Variants in TEK observed in about 807,000 individuals in gnomAD.
TEK encodes the protein angiopoietin-1 receptor.
TEK carries 43 observed loss-of-function variants against 131.8 expected under a neutral mutation model. That is an observed-to-expected ratio of 0.33 (90% CI 0.26 to 0.42). The LOEUF is 0.42. TEK is among the 10% of genes least tolerant of loss of function. TEK has a pLI of 1.00. For missense variants in TEK, 1,162 were observed against 1,384.4 expected (o/e 0.84, Z 2.55); for synonymous variants, 580 against 491.6 (o/e 1.18, Z -2.38).
intron 1 of TEK, among the ~76,000 whole-genome samples, chr9:27,124,563 C>T (rs537214721): frequency 1.3e-5 from 2 of 152,236 alleles, no homozygotes; most frequent in African/African-American, 4.8e-5. Flanking sequence ...GGGAAATACA[C>T]TCTGCCCACA....
intron 4 of TEK, among the ~76,000 whole-genome samples, chr9:27,170,681 G>T (rs1587546581): frequency 6.6e-6 from 1 of 152,172 alleles, no homozygotes; most frequent in African/African-American, 2.4e-5. Context: ...AGTTGTGGTG[G>T]GTGTGGGGAG....
intron 11 of TEK, 100 bp downstream of exon 11, chr9:27,192,723 G>A: frequency 1.1e-6 from 1 of 885,110 alleles, no homozygotes. Context: ...GGGTGAGTGG[G>A]TGGGTGGGGA....
intron 1 of TEK, among the ~76,000 whole-genome samples, chr9:27,145,735 T>G (rs1822892122): frequency 6.6e-6 from 1 of 152,208 alleles, no homozygotes; most frequent in African/African-American, 2.4e-5. Flanking sequence ...TCATACATAT[T>G]TAAAATGAGT....
intron 14 of TEK, among the ~76,000 whole-genome samples, chr9:27,205,365 G>A (rs764450714): frequency 2.6e-5 from 4 of 152,182 alleles, no homozygotes; most frequent in Admixed American, 6.5e-5. Flanking sequence ...TAAGTCCCCA[G>A]AGATGATATC....
At chr9:27,155,991 C>A (rs1587528680) in intron 1 of TEK, among the ~76,000 whole-genome samples, 1 of 152,162 alleles carries the variant, frequency 6.6e-6, no homozygotes, top group East Asian at 1.9e-4. Context: ...TTAATAGAGA[C>A]AACGTTTCAC....
Position 27,229,697 on chromosome 9 carries a change from T to C in TEK, c.*465T>C, listed in dbSNP as rs537402212. The stretch of plus-strand genomic sequence containing the variant: ...GAACTATATGAATTCTAACAAGTCA[T>C]AGGTTAATATTTAAGACACTGAAAA... On this transcript the variant is annotated 3_prime_UTR_variant, in exon 23 of 23. Transcript: ENST00000380036. The C allele has an allele frequency of 5.7e-6, 1 of 175,966 alleles. No individual in the cohort carries two copies. Among genetic ancestry groups the C allele is most frequent in the Non-Finnish European group, 1.2e-5 (1 of 80,940 alleles). 10.9% of individuals were successfully genotyped at this position (175,966 alleles called of 1,614,324 possible). A position where few individuals can be genotyped will look rare whatever the true frequency, so the allele number is the denominator to read the frequency against.
At chr9:27,140,504 A>C (rs1174296309) in intron 1 of TEK, among the ~76,000 whole-genome samples, 1 of 151,546 alleles carries the variant, frequency 6.6e-6, no homozygotes, top group South Asian at 2.1e-4. Context: ...TTTATGGGTT[A>C]TTTTAAGGAT....
chr9:27,164,610 C>T (rs550452186), intron 2 of TEK, among the ~76,000 whole-genome samples: 20 of 152,272 alleles, frequency 1.3e-4, no homozygotes, highest in African/African-American at 2.9e-4. Flanking sequence ...TGAGCAACTA[C>T]GCCTGGCCTA....
At chr9:27,163,980 C>T (rs1823632224) in intron 2 of TEK, among the ~76,000 whole-genome samples, 1 of 152,146 alleles carries the variant, frequency 6.6e-6, no homozygotes, top group Non-Finnish European at 1.5e-5. Context: ...ATGAATTAGC[C>T]CATCCAAATG....
rs776358378 is a variant in TEK at position 27,209,205 on chromosome 9, A to G, written c.2660A>G (p.Asn887Ser). The change falls in exon 16 of 23, where the codon AAT becomes AGT. Residue 887 changes from asparagine to serine, a missense_variant. By Grantham distance (46) the Asn-to-Ser change is conservative. This residue lies in a region of TEK where 57 missense variants were observed against 100.8 expected (regional missense o/e 0.57). Transcript: ENST00000380036. ...CKLGHHPNIINLLGACEHRGY... is the reference protein window; with the variant it reads ...CKLGHHPNIISLLGACEHRGY... ...CTTGGACACCATCCAAACATCATCA[A>G]TCTCTTAGGAGCATGTGAACATCGA... 2.5e-6 allele frequency: 4 copies of G among 1,613,802 alleles called. No homozygotes were observed. The highest frequency in any genetic ancestry group is 1.1e-5 in the South Asian group (1 of 91,072).
At chr9:27,121,347 A>AG (rs1821782550) in intron 1 of TEK, among the ~76,000 whole-genome samples, 1 of 152,060 alleles carries the variant, frequency 6.6e-6, no homozygotes, top group Admixed American at 6.6e-5. Context: ...AATAAAAAAA[A>AG]TAGCTTTGCT....
At chr9:27,148,240 C>A (rs1360120199) in intron 1 of TEK, among the ~76,000 whole-genome samples, 1 of 152,192 alleles carries the variant, frequency 6.6e-6, no homozygotes, top group African/African-American at 2.4e-5. Context: ...GATATTATGA[C>A]CCTCTCCATT....
At chr9:27,111,327 A>G (rs1475568776) in intron 1 of TEK, among the ~76,000 whole-genome samples, 1 of 152,170 alleles carries the variant, frequency 6.6e-6, no homozygotes, top group Non-Finnish European at 1.5e-5. Flanking sequence ...TTGCATTCCT[A>G]GTCTAAGCCT....
rs1824002400 is a variant in TEK at position 27,172,676 on chromosome 9, A to G, written c.689A>G (p.Asn230Ser). The G allele has an allele frequency of 6.2e-7, 1 of 1,613,788 alleles. No individual in the cohort carries two copies. Among genetic ancestry groups the G allele is most frequent in the South Asian group, 1.1e-5 (1 of 91,074 alleles). ...CNHLCTACMN[N>S]GVCHEDTGEC... ...CATCTCTGTACTGCTTGTATGAACA[A>G]TGGTGTCTGCCATGAAGATACTGGA... The change falls in exon 5 of 23, where the codon AAT becomes AGT. Residue 230 changes from asparagine (N) to serine (S), a missense_variant. Asn to Ser is a conservative substitution (Grantham distance 46, BLOSUM62 1). Around this residue, in one of 6 missense-constraint regions of TEK, gnomAD observed 436 missense variants for 539.1 expected, o/e 0.81. Transcript: ENST00000380036.
intron 1 of TEK, among the ~76,000 whole-genome samples, chr9:27,138,143 TA>T (rs1385048248): frequency 6.6e-6 from 1 of 152,236 alleles, no homozygotes; most frequent in Non-Finnish European, 1.5e-5. Flanking sequence ...TTTCAGCTCA[TA>T]AAGGTAGTGC....
At chr9:27,141,299 A>G (rs529650944) in intron 1 of TEK, among the ~76,000 whole-genome samples, 1 of 151,908 alleles carries the variant, frequency 6.6e-6, no homozygotes, top group Admixed American at 6.6e-5. Context: ...TTTGATGTAT[A>G]CACCCTGTTT....
chr9:27,153,238 G>A (rs527908620), intron 1 of TEK, among the ~76,000 whole-genome samples: 27 of 152,262 alleles, frequency 1.8e-4, no homozygotes, highest in African/African-American at 6.5e-4. Flanking sequence ...CACGACGTCA[G>A]GAGTTCAAGA....
At chr9:27,145,141 T>C (rs1398863870) in intron 1 of TEK, among the ~76,000 whole-genome samples, 1 of 152,182 alleles carries the variant, frequency 6.6e-6, no homozygotes, top group Non-Finnish European at 1.5e-5. Context: ...CATCTCCAAA[T>C]AGCCCCCTGA....
intron 15 of TEK, among the ~76,000 whole-genome samples, chr9:27,207,480 G>A (rs1301314081): frequency 6.6e-6 from 1 of 152,138 alleles, no homozygotes; most frequent in Non-Finnish European, 1.5e-5. Context: ...TTCCAGCTTT[G>A]TTCATCTCAA....
Sources: allele counts gnomAD v4.1 joint callset (sites outside exome capture counted in the v4.1 genomes callset), GRCh38; gene constraint gnomAD v4.1.1; regional missense constraint gnomAD v4.1.1; transcripts MANE v1.5; gene names NCBI Gene and HGNC (gene_info 2026-07-23, HGNC 2026-07-21).